RNF212B: variants seen among roughly 807,000 people sequenced by gnomAD.
The protein encoded by RNF212B is E3 ubiquitin-protein ligase RNF212B.
RNF212B carries 52 observed loss-of-function variants against 55.5 expected under a neutral mutation model. That is an observed-to-expected ratio of 0.94 (90% CI 0.75 to 1.18). The LOEUF is 1.18. Among genes scored for constraint, RNF212B ranks in the 50% most tolerant of loss-of-function variants. The pLI is 0.00. For missense variants in RNF212B, 289 were observed against 350.4 expected, an observed-to-expected ratio of 0.82 and a Z score of 1.40; for synonymous variants, 99 against 121.4, an observed-to-expected ratio of 0.82 and a Z score of 1.21.
chr14:23,199,709 A>T (rs954406881), intron 2 of RNF212B, among the ~76,000 whole-genome samples: 3 of 152,184 alleles, frequency 2.0e-5, no homozygotes, highest in African/African-American at 7.2e-5. Flanking sequence ...GTGGGGAGGA[A>T]GGGAGAAAAA....
chr14:23,253,275 AC>A (rs1884550451), intron 4 of RNF212B, among the ~76,000 whole-genome samples: 1 of 152,126 alleles, frequency 6.6e-6, no homozygotes, highest in African/African-American at 2.4e-5. Context: ...AAATGTTCCC[AC>A]ATTTTGAATT....
intron 2 of RNF212B, 133 bp downstream of exon 2, chr14:23,240,578 A>T: frequency 1.8e-6 from 1 of 546,738 alleles, no homozygotes; most frequent in Non-Finnish European, 3.2e-6. Context: ...ACTGTAGGAA[A>T]CTGTCAATTT....
intron 2 of RNF212B, among the ~76,000 whole-genome samples, chr14:23,227,420 T>C (rs981583264): frequency 6.6e-5 from 10 of 152,080 alleles, no homozygotes; most frequent in Admixed American, 3.3e-4. Flanking sequence ...TTCTGGGTGC[T>C]GGGAATGTTA....
chr14:23,218,763 G>A (rs1881313333), intron 2 of RNF212B, among the ~76,000 whole-genome samples: 1 of 152,072 alleles, frequency 6.6e-6, no homozygotes, highest in Non-Finnish European at 1.5e-5. Flanking sequence ...GAGAGCTAGG[G>A]GTAGAAAGTT....
chr14:23,238,111 C>T (rs1883260301), intron 1 of RNF212B, among the ~76,000 whole-genome samples, 56 bp downstream of exon 1: 1 of 152,190 alleles, frequency 6.6e-6, no homozygotes, highest in Non-Finnish European at 1.5e-5. Context: ...GAGGCCCCAT[C>T]GCCTCTGGAA....
At chr14:23,264,501 C>G in intron 10 of RNF212B, 122 bp from the exon 11 acceptor site, 1 of 761,226 alleles carries the variant, frequency 1.3e-6, no homozygotes, top group South Asian at 2.5e-5. Flanking sequence ...CTTTCTTTGA[C>G]TAGTATGCCC....
At position 23,240,519 on chromosome 14, in the gene RNF212B, T is replaced by C. The variant is rs1267981041; in HGVS notation, c.100+74T>C. ...AGGATGTAAGGAGTAGCCATTTCTATGTGTGACTTAGGATAAAAATCACTT... is the reference window on the plus strand; with the variant it reads ...AGGATGTAAGGAGTAGCCATTTCTACGTGTGACTTAGGATAAAAATCACTT... On this transcript the variant is annotated intron_variant, in intron 2 of 14. Coordinates refer to ENST00000430154, the MANE Select transcript of RNF212B (RefSeq NM_001282322.3). 8 of 883,134 alleles carry C rather than the reference T, an allele frequency of 9.1e-6. No homozygotes were observed. The East Asian group carries it at 2.1e-4, about 24-fold the overall frequency. The allele number at this position is 883,134 out of a possible 1,614,324, so 54.7% of individuals were successfully genotyped here.
In RNF212B at chr14:23,232,667, G is replaced by A. The variant is rs1425420959; in HGVS notation, c.-1-7678G>A. ...TGGGGGGTCAGCCCCCACCAGGCCA[G>A]CCGCCCCGTCTGGGAGGGAGGTGGG... is the stretch of plus-strand genomic sequence containing the variant. On this transcript the variant is annotated intron_variant, in intron 2 of 15. Coordinates refer to the RNF212B transcript ENST00000399910. Among the ~76,000 whole-genome samples, 6 of 149,832 alleles carry A rather than the reference G, an allele frequency of 4.0e-5. No individual in the cohort carries two copies. The East Asian group carries it at 1.2e-3, about 30-fold the overall frequency.
At chr14:23,218,874 A>G (rs537686181) in intron 2 of RNF212B, among the ~76,000 whole-genome samples, 1 of 152,248 alleles carries the variant, frequency 6.6e-6, no homozygotes, top group South Asian at 2.1e-4. Context: ...TAACCCAAAG[A>G]AGAGTACCTC....
intron 4 of RNF212B, among the ~76,000 whole-genome samples, chr14:23,257,354 T>C (rs1350039095): frequency 6.7e-6 from 1 of 149,494 alleles, no homozygotes; most frequent in Non-Finnish European, 1.5e-5. Flanking sequence ...CAGCTTAAAA[T>C]AAACATTTTA....
rs1013265024 is a variant in RNF212B, at chr14:23,260,708, T to C, written c.434+21T>C. 4.5e-6 allele frequency: 7 copies of C among 1,549,232 alleles called. No individual in the cohort carries two copies. In the African/African-American group the frequency reaches 8.2e-5, roughly 18 times the overall value. On this transcript the variant is annotated intron_variant, in intron 7 of 14. Transcript: ENST00000430154. Reference sequence around the variant, plus strand: ...AGCAGGTCAGTTTTATCAGCTCCCATACTAGCCCAGCCCCCTGAAAATTCC... The same window carrying C: ...AGCAGGTCAGTTTTATCAGCTCCCACACTAGCCCAGCCCCCTGAAAATTCC...
In RNF212B at chr14:23,268,939, C is replaced by T. The variant is rs1458906267; in HGVS notation, c.650C>T (p.Ala217Val). Residue 217 changes from alanine to valine, a missense_variant, in exon 12 of 15, where the codon GCT (alanine) becomes GTT (valine). Ala to Val is a moderately conservative substitution (Grantham distance 64). Coordinates refer to ENST00000430154, the MANE Select transcript of RNF212B (RefSeq NM_001282322.3). ...TGCTTTCCAGAAACCCCTTCACCGG[C>T]TTCAACTCATAGCCTATCTTATAGG... is the stretch of plus-strand genomic sequence containing the variant. ...RDSYNETPSP[A>V]STHSLSYRTS... 2.6e-6 allele frequency: 4 copies of T among 1,550,436 alleles called. No homozygotes were observed. The highest frequency in any genetic ancestry group is 3.5e-6 in the Non-Finnish European group (4 of 1,146,646).
intron 2 of RNF212B, among the ~76,000 whole-genome samples, chr14:23,203,675 A>G (rs1327518703): frequency 6.6e-6 from 1 of 152,006 alleles, no homozygotes; most frequent in Non-Finnish European, 1.5e-5. Context: ...ATGGGGTTTC[A>G]CCATGTTGGT....
At chr14:23,185,972 C>T (rs1368682065) in intron 1 of RNF212B, among the ~76,000 whole-genome samples, 1 of 151,976 alleles carries the variant, frequency 6.6e-6, no homozygotes, top group African/African-American at 2.4e-5. Context: ...TGGTGGCTCA[C>T]GCCTGTAATC....
chr14:23,198,933 G>C (rs1287300171), intron 2 of RNF212B, among the ~76,000 whole-genome samples: 1 of 152,082 alleles, frequency 6.6e-6, no homozygotes, highest in African/African-American at 2.4e-5. Context: ...TATATATATA[G>C]ACAGAAATAT....
At chr14:23,192,294 C>G (rs1878187760) in intron 1 of RNF212B, among the ~76,000 whole-genome samples, 1 of 152,174 alleles carries the variant, frequency 6.6e-6, no homozygotes. Flanking sequence ...CCCAAATGTT[C>G]ATCAATGATA....
chr14:23,259,009 C>CT (rs931934028), intron 5 of RNF212B, among the ~76,000 whole-genome samples: 26 of 150,930 alleles, frequency 1.7e-4, no homozygotes, highest in African/African-American at 5.4e-4. Flanking sequence ...CAGCGAGACT[C>CT]TGTTTCTAAA....
At chr14:23,238,737 AAATAATAATAATAAT>A (rs34688858) in intron 1 of RNF212B, among the ~76,000 whole-genome samples, 30 of 136,256 alleles carry the variant, frequency 2.2e-4, no homozygotes, top group South Asian at 7.4e-4. Flanking sequence ...CCCTGTCTCA[AAATAATAATAATAAT>A]AATAATAATA....
chr14:23,195,452 G>A (rs1044760406), intron 2 of RNF212B, among the ~76,000 whole-genome samples: 4 of 152,118 alleles, frequency 2.6e-5, no homozygotes, highest in East Asian at 1.9e-4. Flanking sequence ...CTAAGGCTTC[G>A]ATGTCCTTTG....
Sources: gnomAD v4.1 joint callset for allele counts (sites outside exome capture counted in the v4.1 genomes callset) on GRCh38, gnomAD v4.1.1 for gene constraint, MANE v1.5 for transcripts, NCBI Gene and HGNC (gene_info 2026-07-23, HGNC 2026-07-21) for gene names.